Variants in PAPSS1 observed in about 807,000 individuals in gnomAD.
PAPSS1 encodes bifunctional 3'-phosphoadenosine 5'-phosphosulfate synthase 1.
In PAPSS1, 50 loss-of-function variants were observed where a neutral mutation model predicts 72.0. The ratio of observed to expected loss-of-function variants is 0.69; its 90% CI spans 0.55 to 0.88. The LOEUF (loss-of-function observed/expected upper bound fraction) is 0.88, where lower values mean the gene tolerates loss of function less well. Ranked by LOEUF, PAPSS1 falls within the 40% of genes least tolerant of loss-of-function variation. The pLI is 0.00. For missense variants in PAPSS1, 657 were observed against 782.2 expected, an observed-to-expected ratio of 0.84 and a Z score of 1.91; for synonymous variants, 261 against 263.6, an observed-to-expected ratio of 0.99 and a Z score of 0.09.
At chr4:107,705,468 T>C (rs1723317333) in intron 1 of PAPSS1, among the ~76,000 whole-genome samples, 1 of 152,228 alleles carries the variant, frequency 6.6e-6, no homozygotes, top group Non-Finnish European at 1.5e-5. Flanking sequence ...CCTTCCGCCA[T>C]GATTATAAGT....
At chr4:107,710,882 T>G (rs56333554) in intron 1 of PAPSS1, among the ~76,000 whole-genome samples, 4,788 of 152,338 alleles carry the variant, frequency 0.031, 276 homozygotes, top group African/African-American at 0.11. Context: ...TTACAGACAA[T>G]AGTGGCTTAC....
intron 11 of PAPSS1, among the ~76,000 whole-genome samples, chr4:107,626,916 G>T (rs969202856): frequency 1.3e-5 from 2 of 152,114 alleles, no homozygotes; most frequent in Non-Finnish European, 2.9e-5. Flanking sequence ...TACTTATTAA[G>T]ATTTGGTAAC....
At chr4:107,714,339 C>T (rs976712101) in intron 1 of PAPSS1, among the ~76,000 whole-genome samples, 1 of 152,202 alleles carries the variant, frequency 6.6e-6, no homozygotes, top group Non-Finnish European at 1.5e-5. Flanking sequence ...CTCTCCCCTA[C>T]GGCAAAACTC....
At chr4:107,669,940 A>T (rs935454077) in intron 5 of PAPSS1, among the ~76,000 whole-genome samples, 3 of 152,248 alleles carry the variant, frequency 2.0e-5, no homozygotes, top group Non-Finnish European at 4.4e-5. Flanking sequence ...TTCTAGATGC[A>T]GAATCCAACA....
At chr4:107,670,982 T>C (rs1727452597) in intron 5 of PAPSS1, among the ~76,000 whole-genome samples, 1 of 152,208 alleles carries the variant, frequency 6.6e-6, no homozygotes, top group African/African-American at 2.4e-5. Context: ...CACACAGAAC[T>C]GGAGTTGTGG....
At chr4:107,716,180 A>G (rs1172107532) in intron 1 of PAPSS1, among the ~76,000 whole-genome samples, 1 of 152,262 alleles carries the variant, frequency 6.6e-6, no homozygotes, top group Admixed American at 6.5e-5. Flanking sequence ...ATCACAAGAT[A>G]CATAATAGCA....
chr4:107,669,509 C>A (rs1436682461), intron 5 of PAPSS1, among the ~76,000 whole-genome samples: 1 of 152,144 alleles, frequency 6.6e-6, no homozygotes, highest in Non-Finnish European at 1.5e-5. Context: ...AATTAAGGTC[C>A]ATGAGGCTGG....
chr4:107,696,213 C>T (rs1723058404), intron 2 of PAPSS1, among the ~76,000 whole-genome samples: 1 of 152,092 alleles, frequency 6.6e-6, no homozygotes, highest in Admixed American at 6.6e-5. Flanking sequence ...CCCAGCAATC[C>T]CATTATTGGG....
chr4:107,648,952 T>G (rs1181666453), intron 9 of PAPSS1, among the ~76,000 whole-genome samples: 1 of 152,232 alleles, frequency 6.6e-6, no homozygotes, highest in African/African-American at 2.4e-5. Context: ...TATTAGAATT[T>G]TTCACAAAAC....
intron 9 of PAPSS1, among the ~76,000 whole-genome samples, chr4:107,653,246 T>C (rs2110317944): frequency 6.6e-6 from 1 of 152,228 alleles, no homozygotes; most frequent in South Asian, 2.1e-4. Flanking sequence ...GCGAGTTTTA[T>C]AATAAATAAA....
At chr4:107,697,720 T>C (rs1723105708) in intron 2 of PAPSS1, among the ~76,000 whole-genome samples, 2 of 152,194 alleles carry the variant, frequency 1.3e-5, no homozygotes, top group Admixed American at 6.5e-5. Context: ...TATGGATAAC[T>C]GGTATACCTG....
intron 7 of PAPSS1, among the ~76,000 whole-genome samples, chr4:107,656,541 T>C (rs563186456): frequency 2.0e-4 from 31 of 152,312 alleles, no homozygotes; most frequent in Admixed American, 1.6e-3. Context: ...AGCTCAAGCA[T>C]GGGCTTCAGT....
intron 1 of PAPSS1, among the ~76,000 whole-genome samples, chr4:107,707,055 T>C (rs1723356808): frequency 6.6e-6 from 1 of 152,098 alleles, no homozygotes; most frequent in African/African-American, 2.4e-5. Flanking sequence ...ACAGCCTGGG[T>C]CAATGGGAGC....
At chr4:107,717,202 T>C (rs1013996013) in intron 1 of PAPSS1, among the ~76,000 whole-genome samples, 1 of 152,236 alleles carries the variant, frequency 6.6e-6, no homozygotes, top group Non-Finnish European at 1.5e-5. Flanking sequence ...AAATATATTA[T>C]TGAAATTTAT....
chr4:107,630,588 T>G (rs929282598), intron 11 of PAPSS1, among the ~76,000 whole-genome samples: 3 of 152,244 alleles, frequency 2.0e-5, no homozygotes, highest in African/African-American at 7.2e-5. Context: ...TCATGTCGTT[T>G]TTTATAGCAC....
intron 1 of PAPSS1, among the ~76,000 whole-genome samples, chr4:107,717,415 G>C (rs904400062): frequency 6.6e-6 from 1 of 152,142 alleles, no homozygotes. Flanking sequence ...AATTGTAATA[G>C]AGGATGATAA....
At chr4:107,660,425 T>C (rs1727146370) in intron 5 of PAPSS1, among the ~76,000 whole-genome samples, 3 of 152,176 alleles carry the variant, frequency 2.0e-5, no homozygotes, top group African/African-American at 7.2e-5. Context: ...CCTTATTATC[T>C]TTACCATATC....
At chr4:107,666,134 C>T (rs945308073) in intron 5 of PAPSS1, among the ~76,000 whole-genome samples, 4 of 152,178 alleles carry the variant, frequency 2.6e-5, no homozygotes, top group Non-Finnish European at 4.4e-5. Context: ...CAAAGTCTGG[C>T]TTTTATGTGT....
intron 1 of PAPSS1, among the ~76,000 whole-genome samples, chr4:107,708,722 G>A (rs146472455): frequency 4.6e-5 from 7 of 152,216 alleles, no homozygotes; most frequent in African/African-American, 1.7e-4. Flanking sequence ...AAAAGATTCT[G>A]GCAGCAAACA....
Sources: gnomAD v4.1 joint callset for allele counts (sites outside exome capture counted in the v4.1 genomes callset) on GRCh38, gnomAD v4.1.1 for gene constraint, MANE v1.5 for transcripts, NCBI Gene and HGNC (gene_info 2026-07-23, HGNC 2026-07-21) for gene names.